SLC9A9: variants seen among roughly 807,000 people sequenced by gnomAD.
SLC9A9 encodes sodium/hydrogen exchanger 9.
SLC9A9 carries 62 observed loss-of-function variants against 77.8 expected under a neutral mutation model. The ratio of observed to expected loss-of-function variants is 0.80; its 90% CI spans 0.65 to 0.98. The LOEUF is 0.98. Ranked by LOEUF, SLC9A9 falls within the 50% of genes least tolerant of loss-of-function variation. The probability of loss-of-function intolerance (pLI) is 0.00; values close to 1 mark genes in which losing one functional copy is unlikely to be tolerated. For synonymous variants in SLC9A9, 320 were observed against 283.5 expected (o/e 1.13, Z -1.29); for missense variants, 775 against 774.9 (o/e 1.00, Z 0.00).
chr3:143,692,159 CT>C (rs377709914), intron 5 of SLC9A9, among the ~76,000 whole-genome samples: 1,542 of 151,374 alleles, frequency 0.01, 34 homozygotes, highest in African/African-American at 0.035. Flanking sequence ...CAAATTACCT[CT>C]TTTTTTTTAA....
chr3:143,326,751 C>T (rs1359733972), intron 14 of SLC9A9, among the ~76,000 whole-genome samples: 2 of 152,202 alleles, frequency 1.3e-5, no homozygotes, highest in African/African-American at 4.8e-5. Flanking sequence ...TTTGTTTTCT[C>T]CCCCTAGTAC....
intron 2 of SLC9A9, among the ~76,000 whole-genome samples, chr3:143,804,671 C>T (rs1396449728): frequency 6.6e-6 from 1 of 152,192 alleles, no homozygotes; most frequent in African/African-American, 2.4e-5. Flanking sequence ...ATTCAATTTG[C>T]AAATGGGACC....
At chr3:143,313,504 A>AC (rs1173003652) in intron 14 of SLC9A9, among the ~76,000 whole-genome samples, 16 of 152,106 alleles carry the variant, frequency 1.1e-4, no homozygotes, top group Middle Eastern at 3.4e-3. Context: ...ACAACTCCTT[A>AC]CCCCACCCAA....
intron 14 of SLC9A9, among the ~76,000 whole-genome samples, chr3:143,311,140 C>G (rs1319717644): frequency 1.3e-5 from 2 of 152,224 alleles, no homozygotes; most frequent in Non-Finnish European, 2.9e-5. Context: ...AAAAGCAAGT[C>G]CATTGTGTAT....
At chr3:143,775,010 C>A (rs1384628106) in intron 4 of SLC9A9, among the ~76,000 whole-genome samples, 2 of 152,144 alleles carry the variant, frequency 1.3e-5, no homozygotes, top group African/African-American at 4.8e-5. Flanking sequence ...TTTCCCAATC[C>A]CACTGCTGAT....
intron 4 of SLC9A9, among the ~76,000 whole-genome samples, chr3:143,770,436 G>T (rs1281499585): frequency 6.6e-6 from 1 of 152,180 alleles, no homozygotes; most frequent in Non-Finnish European, 1.5e-5. Context: ...TTTCAAACCA[G>T]TGGGTAAGGG....
intron 14 of SLC9A9, among the ~76,000 whole-genome samples, chr3:143,326,190 G>A (rs985815757): frequency 6.6e-6 from 1 of 151,586 alleles, no homozygotes; most frequent in Non-Finnish European, 1.5e-5. Flanking sequence ...ATTCCTTGAG[G>A]CATCGAGGTC....
rs773161006 is a variant in SLC9A9, at chr3:143,693,226, T to C, written c.615A>G (p.Leu205=). Residue 205 remains leucine, a synonymous_variant, in exon 5 of 16, where the codon TTA becomes TTG. Transcript: ENST00000316549. ...TAGCAGACATCAGTGAACCAAAAAATAAACAGTCAGTGAAATGAAAGTCTC... is the reference window on the plus strand; with the variant it reads ...TAGCAGACATCAGTGAACCAAAAAACAAACAGTCAGTGAAATGAAAGTCTC... The part of the protein sequence containing the change: ...KNGDFHFTDC[L]FFGSLMSATD... 24 of 1,613,036 alleles carry C rather than the reference T, an allele frequency of 1.5e-5. No individual in the cohort carries two copies. Among genetic ancestry groups the C allele is most frequent in the Non-Finnish European group, 1.9e-5 (22 of 1,179,476 alleles).
rs140206553 is a variant in SLC9A9 at position 143,417,047 on chromosome 3, T to A, written c.1470-34933A>T. ...TGGTGGGATGGGGTATAGGAGAACA[T>A]ACTGGTATGCTGACGTTTGCCAATC... is the stretch of plus-strand genomic sequence containing the variant. On this transcript the variant is annotated intron_variant, in intron 12 of 15. Coordinates refer to ENST00000316549, the MANE Select transcript of SLC9A9 (RefSeq NM_173653.4). Among the ~76,000 whole-genome samples, 361 of 152,156 alleles carry A rather than the reference T, an allele frequency of 2.4e-3. 1 individual carries two copies. The highest frequency in any genetic ancestry group is 0.014 in the Middle Eastern group (4 of 294).
At chr3:143,811,873 A>AAAAAAG in intron 2 of SLC9A9, 3 of 334,390 alleles carry the variant, frequency 9.0e-6, no homozygotes, top group Non-Finnish European at 1.7e-5. Flanking sequence ...AAAGAAAAAA[A>AAAAAAG]AAAAAGAAAA....
chr3:143,700,575 T>C lies in SLC9A9; in HGVS notation c.534-7268A>G, dbSNP rs145002167. The stretch of plus-strand genomic sequence containing the variant: ...AGTGGTGACCATGGGGTGAGGTCCC[T>C]CTGCCTGTGGAAAGGGGAGGGAAGA... On this transcript the variant is annotated intron_variant, in intron 4 of 15. Transcript: ENST00000316549. Among the ~76,000 whole-genome samples, 33 of 152,324 alleles carry C rather than the reference T, an allele frequency of 2.2e-4. No individual in the cohort carries two copies. The East Asian group carries it at 6.0e-3, about 28-fold the overall frequency.
intron 4 of SLC9A9, among the ~76,000 whole-genome samples, chr3:143,710,142 G>A (rs1179616637): frequency 2.6e-5 from 4 of 152,188 alleles, no homozygotes; most frequent in Non-Finnish European, 5.9e-5. Flanking sequence ...GCACAAACAT[G>A]GAGTGGTGTG....
chr3:143,706,594 C>T (rs1356912241), intron 4 of SLC9A9, among the ~76,000 whole-genome samples: 1 of 152,146 alleles, frequency 6.6e-6, no homozygotes, highest in African/African-American at 2.4e-5. Flanking sequence ...ACAGGTGAGT[C>T]CCCGTCCAAA....
intron 12 of SLC9A9, among the ~76,000 whole-genome samples, chr3:143,435,943 G>T (rs1284462710): frequency 6.6e-6 from 1 of 152,174 alleles, no homozygotes; most frequent in Non-Finnish European, 1.5e-5. Context: ...GCCAGTGACA[G>T]AACTAGGAGA....
chr3:143,310,052 G>A lies in SLC9A9; in HGVS notation c.1605-41072C>T, dbSNP rs192432680. Among the ~76,000 whole-genome samples, 5 of 152,300 alleles carry A rather than the reference G, an allele frequency of 3.3e-5. No individual in the cohort carries two copies. The East Asian group carries it at 9.6e-4, about 29-fold the overall frequency. ...ACTGGCTCAGGACCAGCCAAAACAT[G>A]TGTTGCTTACTTGGGAGTAAGACTG... is the stretch of plus-strand genomic sequence containing the variant. On this transcript the variant is annotated intron_variant, in intron 14 of 15. Coordinates refer to ENST00000316549, the MANE Select transcript of SLC9A9 (RefSeq NM_173653.4).
chr3:143,787,052 G>A (rs2008077114), intron 4 of SLC9A9, among the ~76,000 whole-genome samples: 1 of 152,056 alleles, frequency 6.6e-6, no homozygotes, highest in Non-Finnish European at 1.5e-5. Flanking sequence ...GAATACTGGC[G>A]ACATCACTCT....
intron 12 of SLC9A9, among the ~76,000 whole-genome samples, chr3:143,419,842 G>T (rs564245433): frequency 6.6e-6 from 1 of 152,308 alleles, no homozygotes; most frequent in East Asian, 1.9e-4. Context: ...GCCTCTGTGG[G>T]AGTCCTTTTA....
At chr3:143,404,224 A>G (rs2033925164) in intron 12 of SLC9A9, among the ~76,000 whole-genome samples, 2 of 148,658 alleles carry the variant, frequency 1.3e-5, no homozygotes, top group Non-Finnish European at 3.0e-5. Flanking sequence ...CCCAGGCTAG[A>G]GCGCAGTGGC....
At chr3:143,770,303 CA>C (rs2007472772) in intron 4 of SLC9A9, among the ~76,000 whole-genome samples, 1 of 151,780 alleles carries the variant, frequency 6.6e-6, no homozygotes, top group Non-Finnish European at 1.5e-5. Context: ...ATTTTACAGG[CA>C]CAATAATTAA....
Sources: gnomAD v4.1 joint callset for allele counts (sites outside exome capture counted in the v4.1 genomes callset) on GRCh38, gnomAD v4.1.1 for gene constraint, MANE v1.5 for transcripts, NCBI Gene and HGNC (gene_info 2026-07-23, HGNC 2026-07-21) for gene names.